Variants in FAM107B observed in about 807,000 individuals in gnomAD.
FAM107B encodes protein FAM107B.
Under a neutral mutation model 31.5 loss-of-function variants are expected in FAM107B, and 21 were observed. The ratio of observed to expected loss-of-function variants is 0.67; its 90% CI spans 0.47 to 0.96. FAM107B has a LOEUF of 0.96. Ranked by LOEUF, FAM107B falls within the 40% of genes least tolerant of loss-of-function variation. FAM107B has a pLI of 0.00. For synonymous variants in FAM107B, 157 were observed against 141.5 expected (o/e 1.11, Z -0.78); for missense variants, 452 against 377.1 (o/e 1.20, Z -1.64).
intron 2 of FAM107B, among the ~76,000 whole-genome samples, chr10:14,655,480 C>T (rs981325839): frequency 2.6e-5 from 4 of 152,280 alleles, no homozygotes; most frequent in Admixed American, 6.5e-5. Flanking sequence ...AGCGCAGTGG[C>T]GCAATCTTGG....
At chr10:14,553,143 C>T (rs1397026852) in intron 2 of FAM107B, among the ~76,000 whole-genome samples, 2 of 152,082 alleles carry the variant, frequency 1.3e-5, no homozygotes, top group African/African-American at 4.8e-5. Flanking sequence ...CTTTAAACTA[C>T]CTTCTCCAAT....
intron 1 of FAM107B, among the ~76,000 whole-genome samples, chr10:14,742,627 GA>G (rs1832641604): frequency 6.6e-6 from 1 of 152,120 alleles, no homozygotes; most frequent in African/African-American, 2.4e-5. Context: ...TGAAGGGAGA[GA>G]AAGACAAGAG....
At chr10:14,768,263 CAAT>C (rs1833227003) in intron 1 of FAM107B, among the ~76,000 whole-genome samples, 2 of 152,118 alleles carry the variant, frequency 1.3e-5, no homozygotes, top group Admixed American at 1.3e-4. Context: ...ATCAAAATCT[CAAT>C]AATGTTTTTT....
chr10:14,533,436 T>A (rs560309691), intron 2 of FAM107B, among the ~76,000 whole-genome samples: 1 of 152,186 alleles, frequency 6.6e-6, no homozygotes, highest in African/African-American at 2.4e-5. Context: ...CTAGGACGTG[T>A]CGAGTCTGAG....
chr10:14,752,345 G>T (rs1832845841), intron 1 of FAM107B, among the ~76,000 whole-genome samples: 1 of 152,224 alleles, frequency 6.6e-6, no homozygotes, highest in African/African-American at 2.4e-5. Flanking sequence ...AGAGTGCCTG[G>T]AAGGCATCCA....
intron 2 of FAM107B, among the ~76,000 whole-genome samples, chr10:14,614,201 C>T (rs1852796469): frequency 6.6e-6 from 1 of 152,130 alleles, no homozygotes; most frequent in Non-Finnish European, 1.5e-5. Flanking sequence ...CTGGGAGGTT[C>T]ACAGATCACA....
chr10:14,688,864 C>T (rs753441684), intron 1 of FAM107B, among the ~76,000 whole-genome samples: 10 of 152,188 alleles, frequency 6.6e-5, no homozygotes, highest in Admixed American at 4.6e-4. Flanking sequence ...TGACCTCTTT[C>T]TGTTGGTCTG....
rs148897281 is a variant in FAM107B at position 14,723,909 on chromosome 10, T to C, written c.411+50344A>G. 18 of 752,904 alleles carry C rather than the reference T, an allele frequency of 2.4e-5. No homozygotes were observed. The East Asian group carries it at 4.4e-4, about 18-fold the overall frequency. 46.6% of individuals were successfully genotyped at this position (752,904 alleles called of 1,614,324 possible). On this transcript the variant is annotated intron_variant, in intron 1 of 4. Coordinates refer to ENST00000181796, the MANE Select transcript of FAM107B (RefSeq NM_031453.4). ...GCTTCTCCCAGGTCCTCTTCAGATT[T>C]ATGATGTAGATGCCATCACTTTTCC...
intron 1 of FAM107B, chr10:14,724,120 G>A (rs1235038269): frequency 1.8e-6 from 1 of 551,904 alleles, no homozygotes; most frequent in South Asian, 2.0e-5. Context: ...TCCTCTGTGG[G>A]TAGCGCGGAA....
chr10:14,678,888 A>G (rs145532862), intron 1 of FAM107B, among the ~76,000 whole-genome samples: 60 of 152,266 alleles, frequency 3.9e-4, no homozygotes, highest in African/African-American at 1.4e-3. Flanking sequence ...CATCCAGTCA[A>G]TTCTAAAACA....
At chr10:14,578,763 G>T (rs1278543216) in intron 2 of FAM107B, among the ~76,000 whole-genome samples, 1 of 152,200 alleles carries the variant, frequency 6.6e-6, no homozygotes, top group Non-Finnish European at 1.5e-5. Context: ...GAACAAGGAA[G>T]AATGGGGCAG....
intron 2 of FAM107B, among the ~76,000 whole-genome samples, chr10:14,534,139 G>T (rs1042767978): frequency 3.9e-5 from 6 of 152,166 alleles, no homozygotes; most frequent in Non-Finnish European, 7.4e-5. Context: ...GTGCACAGGA[G>T]CCTCTCAGTC....
intron 1 of FAM107B, among the ~76,000 whole-genome samples, chr10:14,772,438 G>A (rs1019168763): frequency 1.3e-5 from 2 of 151,534 alleles, no homozygotes; most frequent in South Asian, 2.1e-4. Context: ...TTAGAATAAG[G>A]GCTAGCGAAC....
At chr10:14,693,562 C>T (rs1027508744) in intron 1 of FAM107B, among the ~76,000 whole-genome samples, 2 of 152,004 alleles carry the variant, frequency 1.3e-5, no homozygotes, top group African/African-American at 2.4e-5. Flanking sequence ...ATTAACACAT[C>T]CATTACCTCA....
chr10:14,519,941 CCT>C lies in FAM107B; in HGVS notation c.*1247_*1248del, dbSNP rs1845474683. On this transcript the variant is annotated 3_prime_UTR_variant, in exon 5 of 5. Coordinates refer to ENST00000181796, the MANE Select transcript of FAM107B (RefSeq NM_031453.4). ...GCGGCTGCTGTCTGTAACTCGGCCC[CCT>C]CTCTGAGGAGCGTGCTGCTAGCTAG... 6.6e-6 allele frequency: 1 copy of C among 152,618 alleles called. No individual in the cohort carries two copies. Among genetic ancestry groups the C allele is most frequent in the African/African-American group, 2.4e-5 (1 of 41,438 alleles). The allele number at this position is 152,618 out of a possible 1,614,324, so 9.5% of individuals were successfully genotyped here.
In FAM107B at chr10:14,667,720, G is replaced by C. The variant is rs769050032; in HGVS notation, c.412-29C>G. 90 of 1,612,730 alleles carry C rather than the reference G, an allele frequency of 5.6e-5. 1 individual carries two copies. In the South Asian group the frequency reaches 8.8e-4, roughly 16 times the overall value. ...AGCGCCAGCCCCATAAACCAGAAAAGCAGGGAGAAAGTAAAAATATGCATT... is the reference window on the plus strand; with the variant it reads ...AGCGCCAGCCCCATAAACCAGAAAACCAGGGAGAAAGTAAAAATATGCATT... On this transcript the variant is annotated intron_variant, in intron 1 of 4. Coordinates refer to ENST00000181796, the MANE Select transcript of FAM107B (RefSeq NM_031453.4).
rs117387216 is a variant in FAM107B, at chr10:14,727,291, C to A, written c.411+46962G>T. Among the ~76,000 whole-genome samples, 524 of 152,318 alleles carry A rather than the reference C, an allele frequency of 3.4e-3. 12 individuals are homozygous for A. The East Asian group carries it at 0.046, about 13-fold the overall frequency. ...CCAGGAGTTGGGGACCCCTGCTTTA[C>A]ACTCTGACTTTTCCCTAACCTTCAA... On this transcript the variant is annotated intron_variant, in intron 1 of 4. Coordinates refer to ENST00000181796, the MANE Select transcript of FAM107B (RefSeq NM_031453.4).
At chr10:14,597,305 C>T (rs917821066) in intron 2 of FAM107B, among the ~76,000 whole-genome samples, 3 of 152,056 alleles carry the variant, frequency 2.0e-5, no homozygotes, top group Non-Finnish European at 2.9e-5. Flanking sequence ...TTTTTGTAAA[C>T]TCATTAGCAT....
At chr10:14,666,195 A>G (rs190489777) in intron 2 of FAM107B, among the ~76,000 whole-genome samples, 1 of 152,346 alleles carries the variant, frequency 6.6e-6, no homozygotes, top group Admixed American at 6.5e-5. Flanking sequence ...GGCCATTCTC[A>G]TGCTGCTATA....
Sources: allele counts gnomAD v4.1 joint callset (sites outside exome capture counted in the v4.1 genomes callset), GRCh38; gene constraint gnomAD v4.1.1; transcripts MANE v1.5; gene names NCBI Gene and HGNC (gene_info 2026-07-23, HGNC 2026-07-21).